DMD: variants seen among roughly 807,000 people sequenced by gnomAD.
DMD encodes the protein mutant dystrophin.
A neutral mutation model predicts 330.1 loss-of-function variants in DMD; 63 were observed. That is an observed-to-expected ratio of 0.19 (90% CI 0.16 to 0.24). DMD has a LOEUF of 0.24. Among genes scored for constraint, DMD ranks in the 10% least tolerant of loss-of-function variants. The pLI, the probability that DMD is intolerant of heterozygous loss-of-function variation, is 1.00. For synonymous variants in DMD, 1,223 were observed against 959.8 expected, an observed-to-expected ratio of 1.27 and a Z score of -5.07; for missense variants, 3,344 against 2,684.1, an observed-to-expected ratio of 1.25 and a Z score of -5.43.
chrX:32,226,397 G>A (rs1250503402), intron 43 of DMD, among the ~76,000 whole-genome samples: 1 of 111,792 alleles, frequency 8.9e-6, no homozygotes, highest in Non-Finnish European at 1.9e-5. Flanking sequence ...TACTTCATAA[G>A]ACAAGCTTCC....
intron 1 of DMD, among the ~76,000 whole-genome samples, chrX:33,226,653 T>A (rs778857492): frequency 9.0e-6 from 1 of 111,588 alleles, no homozygotes; most frequent in South Asian, 3.7e-4. Flanking sequence ...GTATTTTATC[T>A]GTGCTGATGT....
chrX:31,154,779 A>T (rs1323311954), intron 74 of DMD, among the ~76,000 whole-genome samples: 1 of 111,629 alleles, frequency 9.0e-6, no homozygotes, highest in Non-Finnish European at 1.9e-5. Flanking sequence ...CAACGACTCC[A>T]CAGAGAATCT....
intron 44 of DMD, among the ~76,000 whole-genome samples, chrX:31,997,385 C>G (rs1298032064): frequency 9.2e-6 from 1 of 108,743 alleles, no homozygotes; most frequent in East Asian, 2.9e-4. Context: ...AAAATCAAAT[C>G]AGAATTTCTG....
intron 1 of DMD, among the ~76,000 whole-genome samples, chrX:33,307,023 T>C (rs1431671237): frequency 8.9e-6 from 1 of 111,920 alleles, no homozygotes; most frequent in African/African-American, 3.2e-5. Flanking sequence ...TGTAAAATTA[T>C]ATCCTTTTAA....
intron 18 of DMD, 39 bp from the exon 19 acceptor site, chrX:32,501,881 G>T: frequency 1.0e-6 from 1 of 1,001,698 alleles, no homozygotes; most frequent in Non-Finnish European, 1.4e-6. Context: ...TCAATACAAG[G>T]ACTGTGAATC....
chrX:31,163,009 G>A (rs1465113139), intron 74 of DMD, among the ~76,000 whole-genome samples: 1 of 111,859 alleles, frequency 8.9e-6, no homozygotes, highest in East Asian at 2.8e-4. Context: ...TGGCATGTAT[G>A]CCCTTCAGCT....
chrX:32,650,772 A>G (rs553122572), intron 9 of DMD, among the ~76,000 whole-genome samples: 2 of 112,325 alleles, frequency 1.8e-5, no homozygotes, highest in African/African-American at 6.5e-5. Context: ...AGGAAAAATC[A>G]TGGCCTGCTG....
intron 43 of DMD, among the ~76,000 whole-genome samples, chrX:32,268,000 G>T (rs1349997765): frequency 8.9e-6 from 1 of 112,086 alleles, no homozygotes; most frequent in Non-Finnish European, 1.9e-5. Context: ...AGTCAATAAG[G>T]AAGAAATAGA....
At chrX:32,819,395 C>A (rs2078033235) in intron 5 of DMD, among the ~76,000 whole-genome samples, 1 of 110,798 alleles carries the variant, frequency 9.0e-6, no homozygotes, top group East Asian at 2.8e-4. Flanking sequence ...GATAGCTCAC[C>A]ACTGTTAGCA....
At chrX:32,340,847 A>G (rs12860420) in intron 41 of DMD, among the ~76,000 whole-genome samples, 1,193 of 111,999 alleles carry the variant, frequency 0.011, 5 homozygotes, top group Non-Finnish European at 0.017. Flanking sequence ...ACATTCAGCC[A>G]GGTGGAATTA....
chrX:31,489,801 G>A (rs761819101), intron 57 of DMD, among the ~76,000 whole-genome samples: 8 of 112,226 alleles, frequency 7.1e-5, no homozygotes, highest in African/African-American at 2.6e-4. Context: ...AATGAATAAT[G>A]TGTGTAAAAG....
At position 32,491,463 on chromosome X, in the gene DMD, C is replaced by A; in HGVS notation, c.2436G>T (p.Trp812Cys). The A allele has an allele frequency of 8.3e-7, 1 of 1,210,908 alleles. No individual in the cohort carries two copies. The highest frequency in any genetic ancestry group is 1.1e-6 in the Non-Finnish European group (1 of 894,953). ...KQASEQLNSR[W>C]IEFCQLLSER... ...CACTTAGCAACTGGCAGAATTCGAT[C>A]CACCGGCTGTTCAGTTGTTCTGAGG... is the stretch of plus-strand genomic sequence containing the variant. The change falls in exon 20 of 79, where the codon TGG becomes TGT. Residue 812 changes from tryptophan (W) to cysteine (C), a missense_variant. Transcript: ENST00000357033.
chrX:31,402,122 T>C (rs993506021), intron 60 of DMD, among the ~76,000 whole-genome samples: 7 of 111,936 alleles, frequency 6.3e-5, no homozygotes, highest in Non-Finnish European at 1.1e-4. Flanking sequence ...ACTGTGATTT[T>C]ATCCATTGCA....
chrX:31,378,812 T>C (rs765591570), intron 60 of DMD, among the ~76,000 whole-genome samples: 1 of 110,368 alleles, frequency 9.1e-6, no homozygotes, highest in South Asian at 4.0e-4. Flanking sequence ...CCTTAGCCTG[T>C]GCTCTCAAGA....
rs373115453 is a variant in DMD, at chrX:32,056,359, A to T, written c.6439-87845T>A. On this transcript the variant is annotated intron_variant, in intron 44 of 78. Transcript: ENST00000357033. ...TAAGAGTTTTTTTAAAAACAAATCA[A>T]TAAAATTGACAAATCTTTAGGTAGA... is the stretch of plus-strand genomic sequence containing the variant. Among the ~76,000 whole-genome samples the T allele has an allele frequency of 1.1e-4, 12 of 106,718 alleles. No homozygotes were observed. The East Asian group carries it at 1.2e-3, about 11-fold the overall frequency. 92.7% of individuals were successfully genotyped at this position (106,718 alleles called of 115,157 possible).
At chrX:32,602,950 T>G (rs1441895359) in intron 12 of DMD, among the ~76,000 whole-genome samples, 1 of 111,529 alleles carries the variant, frequency 9.0e-6, no homozygotes. Flanking sequence ...GAAGTTACCT[T>G]GAACAACTCC....
intron 1 of DMD, among the ~76,000 whole-genome samples, chrX:33,111,377 G>A (rs1262526848): frequency 9.0e-6 from 1 of 111,701 alleles, no homozygotes; most frequent in Non-Finnish European, 1.9e-5. Context: ...ACTAAGAACC[G>A]TGCCCAATAC....
At chrX:32,429,387 G>GTTATTTTT (rs1191026907) in intron 29 of DMD, among the ~76,000 whole-genome samples, 6 of 44,197 alleles carry the variant, frequency 1.4e-4, no homozygotes, top group African/African-American at 6.6e-4. Flanking sequence ...TTTTTTTTGG[G>GTTATTTTT]TTTTTTTTTT....
rs908036289 is a variant in DMD, at chrX:32,707,354, C to A, written c.650-8061G>T. On this transcript the variant is annotated intron_variant, in intron 7 of 78. Coordinates refer to ENST00000357033, the MANE Select transcript of DMD (RefSeq NM_004006.3). ...AATTGCCTTCCATAAAAGCCCTCTT[C>A]GCTGGGATAGTTTTTGGAAATTAAA... Among the ~76,000 whole-genome samples, 6 of 111,769 alleles carry A rather than the reference C, an allele frequency of 5.4e-5. No homozygotes were observed. In the East Asian group the frequency reaches 1.4e-3, roughly 26 times the overall value.
Sources: gnomAD v4.1 joint callset for allele counts (sites outside exome capture counted in the v4.1 genomes callset) on GRCh38, gnomAD v4.1.1 for gene constraint, MANE v1.5 for transcripts, NCBI Gene and HGNC (gene_info 2026-07-23, HGNC 2026-07-21) for gene names.